NEK9: variants seen among roughly 807,000 people sequenced by gnomAD.
The protein encoded by NEK9 is NIMA related kinase 9.
NEK9 carries 75 observed loss-of-function variants against 123.4 expected under a neutral mutation model. The ratio of observed to expected loss-of-function variants is 0.61; its 90% CI spans 0.50 to 0.74. The LOEUF is 0.74. NEK9 is among the 30% of genes least tolerant of loss of function. The pLI is 0.00. For missense variants in NEK9, 952 were observed against 1,214.4 expected (o/e 0.78, Z 3.21); for synonymous variants, 438 against 458.7 (o/e 0.95, Z 0.58).
chr14:75,124,340 T>G, intron 1 of NEK9, 117 bp from the exon 2 acceptor site: 1 of 804,530 alleles, frequency 1.2e-6, no homozygotes, highest in Admixed American at 2.8e-5. Context: ...CTGACTCCTC[T>G]TATTTTTTCC....
chr14:75,091,204 C>A, intron 19 of NEK9, 66 bp downstream of exon 19: 1 of 1,351,888 alleles, frequency 7.4e-7, no homozygotes, highest in South Asian at 1.5e-5. Flanking sequence ...GAGACCCTGA[C>A]AGCTCTTTCT....
chr14:75,125,526 A>C (rs1895493760), intron 1 of NEK9, among the ~76,000 whole-genome samples: 2 of 152,238 alleles, frequency 1.3e-5, no homozygotes, highest in Non-Finnish European at 2.9e-5. Context: ...TTCTAGTCCA[A>C]GATTTACTTG....
chr14:75,117,426 A>C (rs745586865), intron 5 of NEK9, 100 bp from the exon 6 acceptor site: 1 of 1,299,324 alleles, frequency 7.7e-7, no homozygotes, highest in Non-Finnish European at 1.0e-6. Flanking sequence ...TAGTCATAAC[A>C]ACCATAAAAC....
intron 18 of NEK9, among the ~76,000 whole-genome samples, chr14:75,092,605 C>T (rs188341223): frequency 9.3e-4 from 142 of 152,262 alleles, no homozygotes; most frequent in African/African-American, 3.0e-3. Flanking sequence ...CATTCTCTGA[C>T]GACTATCTGT....
intron 6 of NEK9, 95 bp downstream of exon 6, chr14:75,117,100 G>A: frequency 7.1e-7 from 1 of 1,403,898 alleles, no homozygotes; most frequent in South Asian, 1.4e-5. Context: ...ATTTTTGCCA[G>A]AAATCAGAAG....
intron 1 of NEK9, among the ~76,000 whole-genome samples, chr14:75,125,760 C>T (rs1467142884): frequency 6.6e-6 from 1 of 152,208 alleles, no homozygotes; most frequent in African/African-American, 2.4e-5. Context: ...ATCTTTCAGC[C>T]TTAAAAGTAT....
rs2139796460 is a variant in NEK9, at chr14:75,117,266, T to G, written c.691A>C (p.Lys231Gln). 1.9e-6 allele frequency: 3 copies of G among 1,614,120 alleles called. No homozygotes were observed. The highest frequency in any genetic ancestry group is 2.5e-6 in the Non-Finnish European group (3 of 1,180,004). ...CAGCCAACTGCCCAGATATCAGACT[T>G]GAAATTGTACTTTACTCCTTGACAG... is the stretch of plus-strand genomic sequence containing the variant. ...ELCQGVKYNF[K>Q]SDIWAVGCVI... Residue 231 changes from lysine to glutamine, a missense_variant, in exon 6 of 22, where the codon AAG becomes CAG. Coordinates refer to ENST00000238616, the MANE Select transcript of NEK9 (RefSeq NM_033116.6).
intron 4 of NEK9, 103 bp from the exon 5 acceptor site, chr14:75,119,038 G>A (rs997192442): frequency 2.3e-5 from 16 of 691,686 alleles, no homozygotes; most frequent in African/African-American, 1.4e-4. Flanking sequence ...AGTGTGGGCC[G>A]GGTACAGTGG....
intron 7 of NEK9, 83 bp from the exon 8 acceptor site, chr14:75,113,486 C>T (rs1209605822): frequency 2.2e-5 from 20 of 926,906 alleles, no homozygotes; most frequent in Non-Finnish European, 3.1e-5. Flanking sequence ...TCAAAGACCA[C>T]TGCATTATCC....
At chr14:75,085,516 T>C (rs547686536) in intron 21 of NEK9, among the ~76,000 whole-genome samples, 1 of 152,200 alleles carries the variant, frequency 6.6e-6, no homozygotes, top group Non-Finnish European at 1.5e-5. Flanking sequence ...CGAAAAATAA[T>C]GCAAGCAGCA....
rs773467950 is a variant in NEK9 at position 75,105,954 on chromosome 14, T to C, written c.1571A>G (p.Gln524Arg). 7 of 1,612,998 alleles carry C rather than the reference T, an allele frequency of 4.3e-6. No homozygotes were observed. The highest frequency in any genetic ancestry group is 5.9e-6 in the Non-Finnish European group (7 of 1,178,956). The change falls in exon 13 of 22, where the codon CAA (glutamine) becomes CGA (arginine). Residue 524 changes from glutamine to arginine, a missense_variant. This residue lies in a region of NEK9 where 698 missense variants were observed against 875.6 expected (regional missense o/e 0.80). Coordinates refer to ENST00000238616, the MANE Select transcript of NEK9 (RefSeq NM_033116.6). ...ATAAGTTGCTTCTGATTTTACCTTT[T>C]GTGGTGTATAATAATCCTCTTCTGA... is the stretch of plus-strand genomic sequence containing the variant. ...LDSEEDYYTP[Q>R]KVDVPKALII...
At chr14:75,122,596 C>T (rs1895373984) in intron 2 of NEK9, among the ~76,000 whole-genome samples, 1 of 152,056 alleles carries the variant, frequency 6.6e-6, no homozygotes, top group Non-Finnish European at 1.5e-5. Flanking sequence ...CCTCCAACTC[C>T]CTGGTTCAAG....
chr14:75,104,767 G>A (rs1336454667), intron 13 of NEK9, among the ~76,000 whole-genome samples: 1 of 152,244 alleles, frequency 6.6e-6, no homozygotes, highest in Non-Finnish European at 1.5e-5. Flanking sequence ...ACAGGCGTGA[G>A]CCATTGTGCT....
chr14:75,116,607 G>C, intron 6 of NEK9: 1 of 220,940 alleles, frequency 4.5e-6, no homozygotes, highest in Non-Finnish European at 1.0e-5. Context: ...GCTTTTAAGA[G>C]ATGAACTTTT....
Position 75,097,093 on chromosome 14 carries a change from C to T in NEK9, c.2173+7G>A. 1 of 1,597,276 alleles carries T rather than the reference C, an allele frequency of 6.3e-7. No individual in the cohort carries two copies. The highest frequency in any genetic ancestry group is 1.1e-5 in the South Asian group (1 of 88,650). On this transcript the variant is annotated splice_region_variant and intron_variant, in intron 17 of 21. Coordinates refer to ENST00000238616, the MANE Select transcript of NEK9 (RefSeq NM_033116.6). Reference sequence around the variant, plus strand: ...CCATCCCAACCCCAGACATATGAAACTCTTACCAACGATGAGAATGGTATG... The same window carrying T: ...CCATCCCAACCCCAGACATATGAAATTCTTACCAACGATGAGAATGGTATG...
At chr14:75,114,976 TACATATATAC>T (rs1024463029) in intron 6 of NEK9, among the ~76,000 whole-genome samples, 5 of 152,092 alleles carry the variant, frequency 3.3e-5, no homozygotes, top group African/African-American at 7.2e-5. Flanking sequence ...CCAAGTCATA[TACATATATAC>T]ACATATATAC....
chr14:75,088,813 TTCA>T (rs1018632533), intron 19 of NEK9, among the ~76,000 whole-genome samples, 172 bp from the exon 20 acceptor site: 2 of 152,196 alleles, frequency 1.3e-5, no homozygotes, highest in African/African-American at 4.8e-5. Context: ...CTGCCACCCC[TTCA>T]TCAGAGAAAC....
intron 18 of NEK9, among the ~76,000 whole-genome samples, chr14:75,092,652 T>G (rs1894258919): frequency 6.6e-6 from 1 of 152,236 alleles, no homozygotes; most frequent in South Asian, 2.1e-4. Flanking sequence ...TTCTTTCATA[T>G]CATACAGCAT....
At position 75,082,798 on chromosome 14, in the gene NEK9, A is replaced by G. The variant is rs1893905153; in HGVS notation, c.*1766T>C. The G allele has an allele frequency of 2.5e-6, 1 of 395,890 alleles. No homozygotes were observed. The highest frequency in any genetic ancestry group is 2.1e-5 in the African/African-American group (1 of 48,588). 24.5% of individuals were successfully genotyped at this position (395,890 alleles called of 1,614,324 possible). ...GGTCAATCGGTCCTCAAGAAAATCA[A>G]AGTTGCATTTACATGCTGAACCAAA... On this transcript the variant is annotated 3_prime_UTR_variant, in exon 22 of 22. Transcript: ENST00000238616.
Sources: allele counts gnomAD v4.1 joint callset (sites outside exome capture counted in the v4.1 genomes callset), GRCh38; gene constraint gnomAD v4.1.1; regional missense constraint gnomAD v4.1.1; transcripts MANE v1.5; gene names NCBI Gene and HGNC (gene_info 2026-07-23, HGNC 2026-07-21).